Variants in KCTD16 observed in about 807,000 individuals in gnomAD.
KCTD16 encodes the protein BTB/POZ domain-containing protein KCTD16.
A neutral mutation model predicts 33.2 loss-of-function variants in KCTD16; 13 were observed. The observed-to-expected ratio is 0.39, with a 90% CI of 0.25 to 0.62. The LOEUF (loss-of-function observed/expected upper bound fraction) is 0.62. Among genes scored for constraint, KCTD16 ranks in the 20% least tolerant of loss-of-function variants. KCTD16 has a pLI of 0.50. For synonymous variants in KCTD16, 197 were observed against 195.3 expected, an observed-to-expected ratio of 1.01 and a Z score of -0.07; for missense variants, 441 against 525.1, an observed-to-expected ratio of 0.84 and a Z score of 1.57.
intron 3 of KCTD16, 50 bp from the exon 4 acceptor site, chr5:144,473,610 C>A: frequency 1.3e-6 from 2 of 1,504,196 alleles, no homozygotes; most frequent in Non-Finnish European, 9.1e-7. Flanking sequence ...ACTGCTACTC[C>A]AACTGACCTG....
At chr5:144,309,290 G>A (rs186784587) in intron 3 of KCTD16, among the ~76,000 whole-genome samples, 1 of 151,930 alleles carries the variant, frequency 6.6e-6, no homozygotes, top group African/African-American at 2.4e-5. Context: ...TATGTCCTAC[G>A]ACTCCAGGAG....
intron 3 of KCTD16, among the ~76,000 whole-genome samples, chr5:144,370,826 A>C (rs1310196804): frequency 6.6e-6 from 1 of 152,180 alleles, no homozygotes; most frequent in Non-Finnish European, 1.5e-5. Context: ...CTTTTCAAGA[A>C]AATACAGAGT....
chr5:144,334,741 C>A (rs969313509), intron 3 of KCTD16, among the ~76,000 whole-genome samples: 1 of 152,090 alleles, frequency 6.6e-6, no homozygotes, highest in African/African-American at 2.4e-5. Flanking sequence ...AGGAACCTGG[C>A]AGATACATTC....
At chr5:144,417,778 T>A (rs980926334) in intron 3 of KCTD16, among the ~76,000 whole-genome samples, 2 of 152,186 alleles carry the variant, frequency 1.3e-5, no homozygotes, top group Non-Finnish European at 2.9e-5. Context: ...GGGTCTATGT[T>A]GTAAAGTAGG....
At chr5:144,223,001 A>G (rs901767660) in intron 3 of KCTD16, among the ~76,000 whole-genome samples, 24 of 152,196 alleles carry the variant, frequency 1.6e-4, no homozygotes, top group Admixed American at 1.3e-3. Context: ...AGGGACATGG[A>G]TGAAGCTGGA....
At chr5:144,319,347 C>T (rs774075593) in intron 3 of KCTD16, among the ~76,000 whole-genome samples, 12 of 152,166 alleles carry the variant, frequency 7.9e-5, no homozygotes, top group Non-Finnish European at 1.5e-4. Context: ...CTCTCTGCTA[C>T]CAAACCCATG....
intron 3 of KCTD16, among the ~76,000 whole-genome samples, chr5:144,299,092 C>A (rs56184858): frequency 6.0e-4 from 8 of 13,306 alleles, no homozygotes; most frequent in African/African-American, 1.5e-3. Context: ...ATATATATCA[C>A]TATGTATATA....
intron 3 of KCTD16, among the ~76,000 whole-genome samples, chr5:144,407,988 G>A (rs1003095157): frequency 9.9e-5 from 15 of 152,132 alleles, no homozygotes; most frequent in African/African-American, 3.6e-4. Flanking sequence ...ATTGTAAATA[G>A]TGCTGCAATA....
chr5:144,303,232 G>T (rs568164802), intron 3 of KCTD16, among the ~76,000 whole-genome samples: 1 of 152,128 alleles, frequency 6.6e-6, no homozygotes, highest in African/African-American at 2.4e-5. Context: ...CATGTTTTCT[G>T]CAAGTGTTAT....
At chr5:144,468,382 C>T (rs767025271) in intron 3 of KCTD16, among the ~76,000 whole-genome samples, 2 of 152,136 alleles carry the variant, frequency 1.3e-5, no homozygotes, top group African/African-American at 4.8e-5. Context: ...TCCTGACTGA[C>T]TCTGATGGAT....
chr5:144,420,793 G>A (rs1201200686), intron 3 of KCTD16, among the ~76,000 whole-genome samples: 2 of 152,086 alleles, frequency 1.3e-5, no homozygotes, highest in East Asian at 1.9e-4. Context: ...ATATTCTTGG[G>A]AAACCTATCA....
At chr5:144,447,895 T>C (rs1753856878) in intron 3 of KCTD16, among the ~76,000 whole-genome samples, 1 of 152,122 alleles carries the variant, frequency 6.6e-6, no homozygotes, top group Non-Finnish European at 1.5e-5. Flanking sequence ...ATCAATGCAG[T>C]TGCTCAGATT....
intron 2 of KCTD16, among the ~76,000 whole-genome samples, chr5:144,177,206 G>A (rs1752527682): frequency 6.6e-6 from 1 of 152,132 alleles, no homozygotes; most frequent in Non-Finnish European, 1.5e-5. Context: ...TTTTAAAGAA[G>A]GTTAATGCTT....
At chr5:144,347,312 C>T (rs983206586) in intron 3 of KCTD16, among the ~76,000 whole-genome samples, 2 of 152,084 alleles carry the variant, frequency 1.3e-5, no homozygotes, top group East Asian at 3.9e-4. Context: ...AATGCAAAAC[C>T]GGCTGGGCAC....
intron 3 of KCTD16, among the ~76,000 whole-genome samples, chr5:144,469,927 G>A (rs918249230): frequency 5.3e-5 from 8 of 150,562 alleles, no homozygotes; most frequent in African/African-American, 2.0e-4. Context: ...CCAGCAACTA[G>A]ATAATAACTC....
chr5:144,256,188 G>A (rs1469765440), intron 3 of KCTD16, among the ~76,000 whole-genome samples: 1 of 152,068 alleles, frequency 6.6e-6, no homozygotes, highest in Non-Finnish European at 1.5e-5. Flanking sequence ...TCACGAACTG[G>A]GCATTGCCTG....
intron 3 of KCTD16, among the ~76,000 whole-genome samples, chr5:144,466,248 T>C (rs1161805580): frequency 6.6e-6 from 1 of 150,874 alleles, no homozygotes; most frequent in Non-Finnish European, 1.5e-5. Flanking sequence ...GGTTTTTTTT[T>C]TTTTTTTCAT....
In KCTD16 at chr5:144,297,259, C is replaced by T. The variant is rs1387282079; in HGVS notation, c.832+89713C>T. On this transcript the variant is annotated intron_variant, in intron 3 of 3. Coordinates refer to ENST00000512467, the MANE Select transcript of KCTD16 (RefSeq NM_020768.4). The stretch of plus-strand genomic sequence containing the variant: ...AAAACTATACTACCATGGGTGTGCC[C>T]CTCTTTGATTTAAATGCTACATCAG... Among the ~76,000 whole-genome samples, 3 of 152,114 alleles carry T rather than the reference C, an allele frequency of 2.0e-5. No individual in the cohort carries two copies. The South Asian group carries it at 6.2e-4, about 31-fold the overall frequency.
intron 3 of KCTD16, among the ~76,000 whole-genome samples, chr5:144,387,379 G>GA (rs1752349270): frequency 6.6e-6 from 1 of 151,776 alleles, no homozygotes; most frequent in East Asian, 1.9e-4. Flanking sequence ...CCTTTTTTGA[G>GA]AAAAAATAAG....
Sources: allele counts gnomAD v4.1 joint callset (sites outside exome capture counted in the v4.1 genomes callset), GRCh38; gene constraint gnomAD v4.1.1; transcripts MANE v1.5; gene names NCBI Gene and HGNC (gene_info 2026-07-23, HGNC 2026-07-21).